The following NCOA1 variants were observed in gnomAD, a reference collection of about 807,000 sequenced individuals.
NCOA1 encodes the protein nuclear receptor coactivator 1, also known as Hin-2 protein.
In NCOA1, 35 loss-of-function variants were observed where a neutral mutation model predicts 150.9. The ratio of observed to expected loss-of-function variants is 0.23; its 90% CI spans 0.18 to 0.31. The LOEUF is 0.31. Among genes scored for constraint, NCOA1 ranks in the 10% least tolerant of loss-of-function variants. NCOA1 has a pLI of 1.00. For missense variants in NCOA1, 1,491 were observed against 1,749.3 expected (o/e 0.85, Z 2.63); for synonymous variants, 590 against 630.0 (o/e 0.94, Z 0.95).
At chr2:24,586,323 C>A (rs941392417) in intron 3 of NCOA1, among the ~76,000 whole-genome samples, 3 of 150,302 alleles carry the variant, frequency 2.0e-5, no homozygotes, top group African/African-American at 7.4e-5. Context: ...CGGTGATGTG[C>A]GCCTGTGGTC....
chr2:24,608,985 A>G (rs1668505234), intron 3 of NCOA1, among the ~76,000 whole-genome samples: 1 of 152,150 alleles, frequency 6.6e-6, no homozygotes, highest in South Asian at 2.1e-4. Context: ...CATAATATCC[A>G]TGACATCACT....
chr2:24,593,667 C>T (rs932229330), intron 3 of NCOA1, among the ~76,000 whole-genome samples: 1 of 152,058 alleles, frequency 6.6e-6, no homozygotes, highest in African/African-American at 2.4e-5. Flanking sequence ...CCTTATTTTA[C>T]AGGTGGCAAA....
At chr2:24,765,928 T>C (rs6707070) in intron 22 of NCOA1, among the ~76,000 whole-genome samples, 119,804 of 147,510 alleles carry the variant, frequency 0.81, 50,414 homozygotes, top group East Asian at 0.99. Flanking sequence ...GACGGAGTCT[T>C]GCTTTGTCGT....
chr2:24,669,875 C>T (rs1039780032), intron 6 of NCOA1, among the ~76,000 whole-genome samples: 8 of 152,142 alleles, frequency 5.3e-5, no homozygotes, highest in African/African-American at 1.9e-4. Flanking sequence ...CTGTGGCTCA[C>T]GCCTGTAATC....
rs1223250159 is a variant in NCOA1, at chr2:24,769,501, T to C, written c.*1110T>C. ...TGCCAGAAAGAGCTGTTCCAGCTGA[T>C]CTAGAGCATACTGCCCTAGAGTGTC... is the stretch of plus-strand genomic sequence containing the variant. On this transcript the variant is annotated 3_prime_UTR_variant, in exon 23 of 23. Transcript: ENST00000348332. The C allele has an allele frequency of 5.0e-6, 1 of 198,674 alleles. No homozygotes were observed. The highest frequency in any genetic ancestry group is 2.3e-5 in the African/African-American group (1 of 43,396). 12.3% of individuals were successfully genotyped at this position (198,674 alleles called of 1,614,324 possible).
intron 1 of NCOA1, among the ~76,000 whole-genome samples, chr2:24,534,412 T>C (rs1377106156): frequency 2.7e-5 from 2 of 72,862 alleles, no homozygotes; most frequent in Non-Finnish European, 5.9e-5. Flanking sequence ...GATTCATTGA[T>C]TTTTTTTTTT....
intron 2 of NCOA1, among the ~76,000 whole-genome samples, chr2:24,571,058 A>G (rs1367894997): frequency 2.6e-5 from 4 of 152,142 alleles, no homozygotes; most frequent in Non-Finnish European, 4.4e-5. Context: ...AAAAGCCCTT[A>G]CCTTTTAGCG....
At chr2:24,676,056 C>G (rs1671895744) in intron 7 of NCOA1, among the ~76,000 whole-genome samples, 2 of 152,142 alleles carry the variant, frequency 1.3e-5, no homozygotes, top group South Asian at 4.1e-4. Flanking sequence ...AGTGGCCTCA[C>G]TTTGGAGGTT....
intron 3 of NCOA1, among the ~76,000 whole-genome samples, chr2:24,622,499 T>C (rs1273228088): frequency 6.6e-6 from 1 of 152,212 alleles, no homozygotes; most frequent in Non-Finnish European, 1.5e-5. Context: ...CTTTTGATTA[T>C]ATGGTGAAGA....
intron 3 of NCOA1, among the ~76,000 whole-genome samples, chr2:24,605,935 A>G (rs1668342424): frequency 6.6e-6 from 1 of 152,200 alleles, no homozygotes; most frequent in African/African-American, 2.4e-5. Flanking sequence ...TGTGCTGGCT[A>G]GACTTGTACA....
intron 3 of NCOA1, among the ~76,000 whole-genome samples, chr2:24,633,097 T>C (rs1188703880): frequency 1.3e-5 from 2 of 151,990 alleles, no homozygotes; most frequent in African/African-American, 2.4e-5. Flanking sequence ...TACATACATA[T>C]ATACATATAC....
In NCOA1 at chr2:24,707,507, T is replaced by C. The variant is rs1302879882; in HGVS notation, c.2037T>C (p.Ser679=). 4 of 1,614,182 alleles carry C rather than the reference T, an allele frequency of 2.5e-6. No individual in the cohort carries two copies. The highest frequency in any genetic ancestry group is 2.5e-6 in the Non-Finnish European group (3 of 1,180,034). The change falls in exon 13 of 23, where the codon TCT becomes TCC. Residue 679 remains serine, a synonymous_variant. Coordinates refer to ENST00000348332, the MANE Select transcript of NCOA1 (RefSeq NM_003743.5). ...CTTCAGGAGGTTCTTGTCCCTCTTCTCATAGCTCATTGACAGAACGGCATA... is the reference window on the plus strand; with the variant it reads ...CTTCAGGAGGTTCTTGTCCCTCTTCCCATAGCTCATTGACAGAACGGCATA... ...ANSSGGSCPS[S]HSSLTERHKI...
At chr2:24,573,300 T>C (rs1666816198) in intron 2 of NCOA1, among the ~76,000 whole-genome samples, 1 of 152,162 alleles carries the variant, frequency 6.6e-6, no homozygotes, top group Admixed American at 6.5e-5. Context: ...TCAGATACTG[T>C]CCCAATAACC....
intron 7 of NCOA1, among the ~76,000 whole-genome samples, chr2:24,677,010 G>A (rs1332507247): frequency 6.6e-6 from 1 of 152,158 alleles, no homozygotes; most frequent in East Asian, 1.9e-4. Flanking sequence ...CTGACAAACA[G>A]GGAGAGTATA....
intron 2 of NCOA1, among the ~76,000 whole-genome samples, chr2:24,579,823 T>C (rs1459469303): frequency 6.6e-6 from 1 of 152,218 alleles, no homozygotes; most frequent in Admixed American, 6.5e-5. Flanking sequence ...CTTAATAAGA[T>C]TGAAAACAAG....
intron 2 of NCOA1, among the ~76,000 whole-genome samples, chr2:24,576,170 G>GTTTTTGTTTTTGTTTTTTTTT (rs1666967476): frequency 6.5e-5 from 3 of 46,328 alleles, no homozygotes; most frequent in Admixed American, 3.2e-4. Flanking sequence ...TTTGTTTTTT[G>GTTTTTGTTTTTGTTTTTTTTT]TTTTTTTTTT....
At chr2:24,645,922 AT>A (rs1670451631) in intron 4 of NCOA1, among the ~76,000 whole-genome samples, 1 of 152,168 alleles carries the variant, frequency 6.6e-6, no homozygotes, top group South Asian at 2.1e-4. Flanking sequence ...ATAAAGAGAA[AT>A]TTTAATTAAG....
At chr2:24,652,389 G>T (rs1670747167) in intron 4 of NCOA1, among the ~76,000 whole-genome samples, 1 of 152,042 alleles carries the variant, frequency 6.6e-6, no homozygotes, top group African/African-American at 2.4e-5. Flanking sequence ...TGTTTTTCCT[G>T]TGTGATGCCC....
At chr2:24,621,432 ATTTTTTTTTTTTTTTTTT>A (rs1162282258) in intron 3 of NCOA1, among the ~76,000 whole-genome samples, 3 of 38,860 alleles carry the variant, frequency 7.7e-5, no homozygotes, top group East Asian at 9.3e-4. Context: ...ATTCAGGCAG[ATTTTTTTTTTTTTTTTTT>A]TTTTTTTTTT....
Sources: allele counts gnomAD v4.1 joint callset (sites outside exome capture counted in the v4.1 genomes callset), GRCh38; gene constraint gnomAD v4.1.1; transcripts MANE v1.5; gene names NCBI Gene and HGNC (gene_info 2026-07-23, HGNC 2026-07-21).